Variants in FAM107B observed in about 807,000 individuals in gnomAD.
FAM107B encodes the protein protein FAM107B.
Under a neutral mutation model 31.5 loss-of-function variants are expected in FAM107B, and 21 were observed. That is an observed-to-expected ratio of 0.67 (90% CI 0.47 to 0.96). The LOEUF (loss-of-function observed/expected upper bound fraction) is 0.96, where lower values mean the gene tolerates loss of function less well. Among genes scored for constraint, FAM107B ranks in the 40% least tolerant of loss-of-function variants. The probability of loss-of-function intolerance (pLI) is 0.00; values close to 1 mark genes in which losing one functional copy is unlikely to be tolerated. For missense variants in FAM107B, 452 were observed against 377.1 expected, an observed-to-expected ratio of 1.20 and a Z score of -1.64; for synonymous variants, 157 against 141.5, an observed-to-expected ratio of 1.11 and a Z score of -0.78.
intron 2 of FAM107B, among the ~76,000 whole-genome samples, chr10:14,654,958 T>A (rs1854005238): frequency 6.6e-6 from 1 of 152,174 alleles, no homozygotes; most frequent in South Asian, 2.1e-4. Flanking sequence ...TCATTCTGCA[T>A]TGCTATAAAG....
intron 2 of FAM107B, among the ~76,000 whole-genome samples, chr10:14,598,864 C>G (rs1852273563): frequency 6.6e-6 from 1 of 152,172 alleles, no homozygotes; most frequent in Non-Finnish European, 1.5e-5. Flanking sequence ...GATGAGAATA[C>G]TAGAGCTCAA....
intron 1 of FAM107B, among the ~76,000 whole-genome samples, chr10:14,676,839 T>TA (rs1290207955): frequency 2.0e-5 from 3 of 152,224 alleles, no homozygotes. Flanking sequence ...TTCTCTGTAA[T>TA]ATTTATTCTC....
At chr10:14,766,804 T>C (rs2131596082) in intron 1 of FAM107B, among the ~76,000 whole-genome samples, 1 of 151,152 alleles carries the variant, frequency 6.6e-6, no homozygotes, top group Non-Finnish European at 1.5e-5. Flanking sequence ...ATTGGATCCA[T>C]AATCAAACAC....
chr10:14,544,938 T>C (rs1245049153), intron 2 of FAM107B, among the ~76,000 whole-genome samples: 1 of 152,194 alleles, frequency 6.6e-6, no homozygotes, highest in Non-Finnish European at 1.5e-5. Flanking sequence ...ATGCACAGCA[T>C]GGTGATCCTC....
chr10:14,647,764 G>A (rs912472308), intron 2 of FAM107B, among the ~76,000 whole-genome samples: 2 of 150,726 alleles, frequency 1.3e-5, no homozygotes, highest in African/African-American at 4.9e-5. Flanking sequence ...GGCATTTGCA[G>A]TCAACAATTC....
At chr10:14,528,962 T>C (rs1230531661) in intron 3 of FAM107B, among the ~76,000 whole-genome samples, 3 of 152,230 alleles carry the variant, frequency 2.0e-5, no homozygotes, top group Non-Finnish European at 2.9e-5. Context: ...AGCTAAAATG[T>C]TTCTTAGAGA....
intron 1 of FAM107B, among the ~76,000 whole-genome samples, chr10:14,751,103 C>T (rs537408672): frequency 6.6e-6 from 1 of 152,312 alleles, no homozygotes; most frequent in East Asian, 1.9e-4. Flanking sequence ...GAGGAGGAAG[C>T]ACATGGGCCC....
rs558940939 is a variant in FAM107B at position 14,734,488 on chromosome 10, G to GTGTTTTTGTTTTTTTTTTTTTTTT, written c.411+39764_411+39765insAAAAAAAAAAAAAAAACAAAAACA. On this transcript the variant is annotated intron_variant, in intron 1 of 4. Transcript: ENST00000181796. ...AAACATAATGAAATCTTTTTGTGAG[G>GTGTTTTTGTTTTTTTTTTTTTTTT]TTTTTTTTTTTTTTTTAGCTCATCA... Among the ~76,000 whole-genome samples the GTGTTTTTGTTTTTTTTTTTTTTTT allele has an allele frequency of 3.7e-4, 51 of 138,542 alleles. 4 individuals carry two copies. The highest frequency in any genetic ancestry group is 1.1e-3 in the African/African-American group (41 of 36,910). The allele number at this position is 138,542 out of a possible 152,430, so 90.9% of individuals were successfully genotyped here.
At chr10:14,531,546 A>G (rs1187103617) in intron 2 of FAM107B, among the ~76,000 whole-genome samples, 5 of 150,732 alleles carry the variant, frequency 3.3e-5, no homozygotes, top group Admixed American at 2.0e-4. Context: ...AAAGAAAAAA[A>G]AAAAAAAAAA....
chr10:14,713,214 A>G (rs527919287), intron 1 of FAM107B, among the ~76,000 whole-genome samples: 8 of 152,348 alleles, frequency 5.3e-5, no homozygotes, highest in African/African-American at 1.9e-4. Context: ...AAAAGCCTCC[A>G]TACTGTTCGT....
At chr10:14,534,059 A>G (rs909204889) in intron 2 of FAM107B, among the ~76,000 whole-genome samples, 26 of 152,226 alleles carry the variant, frequency 1.7e-4, no homozygotes, top group African/African-American at 6.0e-4. Context: ...TATGCTGTCA[A>G]CACAGGGGCA....
At chr10:14,632,419 G>C (rs1321737470) in intron 2 of FAM107B, among the ~76,000 whole-genome samples, 1 of 151,334 alleles carries the variant, frequency 6.6e-6, no homozygotes, top group Non-Finnish European at 1.5e-5. Context: ...AGACCATCCT[G>C]ATTAACACGG....
intron 1 of FAM107B, among the ~76,000 whole-genome samples, chr10:14,745,414 T>C (rs1348950783): frequency 6.6e-6 from 1 of 152,196 alleles, no homozygotes; most frequent in Admixed American, 6.5e-5. Flanking sequence ...TTGAGATCTT[T>C]CTAGCTTTTT....
intron 2 of FAM107B, among the ~76,000 whole-genome samples, chr10:14,561,658 C>T (rs946216198): frequency 2.6e-5 from 4 of 152,204 alleles, no homozygotes; most frequent in African/African-American, 9.7e-5. Context: ...AATAACACTC[C>T]TCATTCCTTA....
At chr10:14,584,073 A>C (rs17155523) in intron 2 of FAM107B, among the ~76,000 whole-genome samples, 7,893 of 152,256 alleles carry the variant, frequency 0.052, 459 homozygotes, top group African/African-American at 0.14. Context: ...ATGCTGAGAC[A>C]TACTGGGTCC....
chr10:14,608,663 A>G (rs1852652879), intron 2 of FAM107B, among the ~76,000 whole-genome samples: 1 of 152,216 alleles, frequency 6.6e-6, no homozygotes, highest in African/African-American at 2.4e-5. Context: ...CAGGAGGGCG[A>G]AAGAGGAAGT....
At chr10:14,665,392 T>A (rs1484945109) in intron 2 of FAM107B, among the ~76,000 whole-genome samples, 1 of 152,196 alleles carries the variant, frequency 6.6e-6, no homozygotes, top group East Asian at 1.9e-4. Flanking sequence ...ATAAAAGAAC[T>A]CAGTAAAGTC....
chr10:14,555,955 AG>A (rs1224244831), intron 2 of FAM107B: 1 of 152,546 alleles, frequency 6.6e-6, no homozygotes, highest in African/African-American at 2.4e-5. Flanking sequence ...CACACGTGAC[AG>A]GCCTTTCAAA....
rs184255240 is a variant in FAM107B at position 14,548,646 on chromosome 10, G to A, written c.470-18131C>T. On this transcript the variant is annotated intron_variant, in intron 2 of 4. Coordinates refer to ENST00000181796, the MANE Select transcript of FAM107B (RefSeq NM_031453.4). ...GGGCTCTCTCCAGCTGCGAAGGCAG[G>A]CACTCCCAGAAGCCCCCGGGGGCCT... 197 of 985,394 alleles carry A rather than the reference G, an allele frequency of 2.0e-4. No individual in the cohort carries two copies. In the African/African-American group the frequency reaches 3.3e-3, roughly 16 times the overall value. 61.0% of individuals were successfully genotyped at this position (985,394 alleles called of 1,614,324 possible).
Sources: allele counts gnomAD v4.1 joint callset (sites outside exome capture counted in the v4.1 genomes callset), GRCh38; gene constraint gnomAD v4.1.1; transcripts MANE v1.5; gene names NCBI Gene and HGNC (gene_info 2026-07-23, HGNC 2026-07-21).